CXADR: variants seen among roughly 807,000 people sequenced by gnomAD.
The protein encoded by CXADR is CXADR cell adhesion molecule.
Under a neutral mutation model 40.3 loss-of-function variants are expected in CXADR, and 20 were observed. The ratio of observed to expected loss-of-function variants is 0.50; its 90% CI spans 0.35 to 0.72. CXADR has a LOEUF of 0.72. CXADR is among the 30% of genes least tolerant of loss of function. The probability of loss-of-function intolerance (pLI) is 0.01; values close to 1 mark genes in which losing one functional copy is unlikely to be tolerated. For missense variants in CXADR, 332 were observed against 449.1 expected, an observed-to-expected ratio of 0.74 and a Z score of 2.36; for synonymous variants, 150 against 161.3, an observed-to-expected ratio of 0.93 and a Z score of 0.53.
At chr21:17,612,488 G>A in the CXADR span, 2 of 152,184 alleles carry the variant, frequency 1.3e-5, no homozygotes, top group Non-Finnish European at 2.9e-5. Flanking sequence ...GGGTCCCGCG[G>A]AAAGCCTCGC....
At chr21:17,624,840 G>T in the CXADR span, among the ~76,000 whole-genome samples, 10 of 152,138 alleles carry the variant, frequency 6.6e-5, no homozygotes, top group South Asian at 2.1e-3. Context: ...TGTTCCCCCG[G>T]TTAATTACGA....
intron 1 of CXADR, among the ~76,000 whole-genome samples, chr21:17,517,680 A>C (rs10222108): frequency 0.023 from 3,462 of 151,364 alleles, 140 homozygotes; most frequent in African/African-American, 0.077. Flanking sequence ...GAGAAATAAA[A>C]AGTTGAAGTT....
intron 1 of CXADR, 29 bp from the exon 2 acceptor site, chr21:17,546,998 C>T: frequency 6.2e-7 from 1 of 1,610,692 alleles, no homozygotes; most frequent in Non-Finnish European, 8.5e-7. Context: ...ATAGCAAATG[C>T]TTAGTCCCTT....
the CXADR span, among the ~76,000 whole-genome samples, chr21:17,611,166 AT>A: frequency 1.3e-5 from 2 of 152,234 alleles, no homozygotes; most frequent in Non-Finnish European, 2.9e-5. Context: ...CTACGTTTAT[AT>A]TCCACCACGA....
At position 17,579,090 on chromosome 21, in the gene CXADR, G is replaced by C. The variant is rs563276406; in HGVS notation, c.1017+13479G>C. Among the ~76,000 whole-genome samples the C allele has an allele frequency of 4.2e-4, 64 of 152,050 alleles. 2 individuals are homozygous for C. In the South Asian group the frequency reaches 0.013, roughly 31 times the overall value. On this transcript the variant is annotated intron_variant, in intron 7 of 7. Transcript: ENST00000400169. ...CAAGACGGCACAGTAACTAGAAGCA[G>C]GGCAAAGGTTAGTTTAAGATAGGAG...
chr21:17,571,707 T>C (rs2061278766), downstream of CXADR, among the ~76,000 whole-genome samples: 1 of 152,242 alleles, frequency 6.6e-6, no homozygotes, highest in South Asian at 2.1e-4. Flanking sequence ...ACTTAGATGA[T>C]TTTTAAATTG....
chr21:17,556,763 G>C (rs988624817), intron 3 of CXADR, among the ~76,000 whole-genome samples: 1 of 152,158 alleles, frequency 6.6e-6, no homozygotes, highest in African/African-American at 2.4e-5. Context: ...TTAAATATGT[G>C]TTGACCCTTA....
chr21:17,568,820 A>C lies in CXADR; in HGVS notation c.*3128A>C. On this transcript the variant is annotated 3_prime_UTR_variant, in exon 7 of 7. Coordinates refer to ENST00000284878, the MANE Select transcript of CXADR (RefSeq NM_001338.5). The stretch of plus-strand genomic sequence containing the variant: ...CCCAAAAATGTCTACTATTCATGAC[A>C]GTAACCAATTATTCTGGACAAATTG... 2 of 985,342 alleles carry C rather than the reference A, an allele frequency of 2.0e-6. No individual in the cohort carries two copies. Among genetic ancestry groups the C allele is most frequent in the South Asian group, 4.7e-5 (1 of 21,268 alleles). The allele number at this position is 985,342 out of a possible 1,614,324, so 61.0% of individuals were successfully genotyped here.
At chr21:17,533,991 TC>T (rs1340999727) in intron 1 of CXADR, among the ~76,000 whole-genome samples, 1 of 143,482 alleles carries the variant, frequency 7.0e-6, no homozygotes, top group East Asian at 2.0e-4. Context: ...CCCTGTATTT[TC>T]TTCTCTTTCT....
chr21:17,538,243 G>A (rs925384336), intron 1 of CXADR, among the ~76,000 whole-genome samples: 2 of 152,012 alleles, frequency 1.3e-5, no homozygotes, highest in African/African-American at 2.4e-5. Context: ...CTCGTGATCC[G>A]CCTGCCTTGG....
intron 1 of CXADR, chr21:17,518,688 A>G: frequency 6.2e-7 from 1 of 1,609,660 alleles, no homozygotes; most frequent in Non-Finnish European, 8.5e-7. Flanking sequence ...CACCAAGCTG[A>G]CTTAATATTC....
chr21:17,514,947 C>T (rs2060441216), intron 1 of CXADR, among the ~76,000 whole-genome samples: 1 of 151,664 alleles, frequency 6.6e-6, no homozygotes, highest in Non-Finnish European at 1.5e-5. Context: ...GTTGTTTTAA[C>T]GGGAATATTT....
intron 1 of CXADR, among the ~76,000 whole-genome samples, chr21:17,531,308 AAAAG>A (rs1055882956): frequency 4.6e-5 from 7 of 151,918 alleles, no homozygotes; most frequent in African/African-American, 1.7e-4. Context: ...CAAAAAAAAA[AAAAG>A]AAAAGAAAAA....
At chr21:17,602,783 A>G in the CXADR span, among the ~76,000 whole-genome samples, 5 of 152,328 alleles carry the variant, frequency 3.3e-5, no homozygotes, top group African/African-American at 1.2e-4. Context: ...ACTGAAGTAG[A>G]ATGTCCGTAT....
intron 1 of CXADR, among the ~76,000 whole-genome samples, chr21:17,523,477 T>A (rs2060556586): frequency 6.6e-6 from 1 of 152,172 alleles, no homozygotes; most frequent in South Asian, 2.1e-4. Context: ...ATATCACCAC[T>A]CACATTTAGT....
rs2061232637 is a variant in CXADR at position 17,567,917 on chromosome 21, A to G, written c.*2225A>G. 1 of 980,866 alleles carries G rather than the reference A, an allele frequency of 1.0e-6. No individual in the cohort carries two copies. The highest frequency in any genetic ancestry group is 1.8e-5 in the African/African-American group (1 of 56,864). The allele number at this position is 980,866 out of a possible 1,614,324, so 60.8% of individuals were successfully genotyped here. On this transcript the variant is annotated 3_prime_UTR_variant, in exon 7 of 7. Transcript: ENST00000284878. ...AGACTTCTCTTCCCATATACTTCAT[A>G]TTTTAGAGGACATTGTTTTAAAGGC...
At chr21:17,520,491 T>C (rs2060517303) in intron 1 of CXADR, among the ~76,000 whole-genome samples, 1 of 152,186 alleles carries the variant, frequency 6.6e-6, no homozygotes, top group African/African-American at 2.4e-5. Flanking sequence ...CTAAAGGCCA[T>C]ACTGAGAGCT....
In CXADR at chr21:17,567,367, T is replaced by C. The variant is rs1483887485; in HGVS notation, c.*1675T>C. On this transcript the variant is annotated 3_prime_UTR_variant, in exon 7 of 7. Coordinates refer to ENST00000284878, the MANE Select transcript of CXADR (RefSeq NM_001338.5). ...GCATTTTAAAAACAGGTTTTAACCT[T>C]ATGTAAAATTACTTTTATACTCGTG... 1 of 984,828 alleles carries C rather than the reference T, an allele frequency of 1.0e-6. No homozygotes were observed. The highest frequency in any genetic ancestry group is 1.2e-6 in the Non-Finnish European group (1 of 829,436). 61.0% of individuals were successfully genotyped at this position (984,828 alleles called of 1,614,324 possible). A position where few individuals can be genotyped will look rare whatever the true frequency, so the allele number is the denominator to read the frequency against.
intron 1 of CXADR, among the ~76,000 whole-genome samples, chr21:17,524,003 C>T (rs116060718): frequency 0.013 from 1,936 of 151,888 alleles, 45 homozygotes; most frequent in African/African-American, 0.043. Flanking sequence ...GGATTACAGG[C>T]GCTCACCACC....
Sources: allele counts gnomAD v4.1 joint callset (sites outside exome capture counted in the v4.1 genomes callset), GRCh38; gene constraint gnomAD v4.1.1; transcripts MANE v1.5; gene names NCBI Gene and HGNC (gene_info 2026-07-23, HGNC 2026-07-21).